POT1: variants seen among roughly 807,000 people sequenced by gnomAD.
The protein encoded by POT1 is protection of telomeres 1.
In POT1, 47 loss-of-function variants were observed where a neutral mutation model predicts 78.5. The observed-to-expected ratio is 0.60, with a 90% confidence interval of 0.47 to 0.76. The LOEUF is 0.76. POT1 is among the 30% of genes least tolerant of loss of function. The pLI is 0.00. For synonymous variants in POT1, 259 were observed against 260.7 expected, an observed-to-expected ratio of 0.99 and a Z score of 0.06; for missense variants, 646 against 749.9, an observed-to-expected ratio of 0.86 and a Z score of 1.62.
At chr7:124,876,152 A>G (rs963889864) in intron 6 of POT1, among the ~76,000 whole-genome samples, 2 of 152,210 alleles carry the variant, frequency 1.3e-5, no homozygotes, top group Non-Finnish European at 1.5e-5. Flanking sequence ...CAAGAAGAAA[A>G]ACCAAAAGCA....
chr7:124,823,865 C>A lies in POT1; in HGVS notation c.*97G>T. The A allele has an allele frequency of 1.3e-6, 1 of 770,084 alleles. No homozygotes were observed. 47.7% of individuals were successfully genotyped at this position (770,084 alleles called of 1,614,324 possible). A position where few individuals can be genotyped will look rare whatever the true frequency, so the allele number is the denominator to read the frequency against. ...TCTAATCCCATACCCATGCTAACAT[C>A]ATCAACATTGCTGATACAAAACTCA... On this transcript the variant is annotated 3_prime_UTR_variant, in exon 19 of 19. Transcript: ENST00000357628.
At chr7:124,865,971 A>G (rs7782340) in intron 7 of POT1, among the ~76,000 whole-genome samples, 1 of 151,796 alleles carries the variant, frequency 6.6e-6, no homozygotes, top group East Asian at 1.9e-4. Context: ...GTTTTCATGT[A>G]GAATATATCT....
At chr7:124,867,078 G>A (rs1295448419) in intron 7 of POT1, among the ~76,000 whole-genome samples, 1 of 152,128 alleles carries the variant, frequency 6.6e-6, no homozygotes, top group African/African-American at 2.4e-5. Flanking sequence ...TAGTAAACCA[G>A]AACAATCTTC....
At chr7:124,925,820 G>A (rs1444005422) in intron 2 of POT1, among the ~76,000 whole-genome samples, 4 of 152,114 alleles carry the variant, frequency 2.6e-5, no homozygotes, top group Admixed American at 2.6e-4. Context: ...ACAGCCAACT[G>A]ATCTATGACA....
intron 6 of POT1, among the ~76,000 whole-genome samples, chr7:124,879,618 G>A (rs1440542026): frequency 6.6e-6 from 1 of 152,032 alleles, no homozygotes; most frequent in Non-Finnish European, 1.5e-5. Flanking sequence ...GGGGGCTACC[G>A]TTATTTAAGA....
intron 1 of POT1, among the ~76,000 whole-genome samples, chr7:124,929,236 T>C (rs570834760): frequency 2.0e-5 from 3 of 152,300 alleles, no homozygotes; most frequent in Admixed American, 2.0e-4. Context: ...AAGCCAGTTT[T>C]AAGATCTGTA....
rs4501523 is a variant in POT1, at chr7:124,900,718, T to G, written c.-153-2344A>C. Reference sequence around the variant, plus strand: ...GCAGGGCATCGCCTCACTGGGGAAGTGCAAGGGGTCGGGGAATTCCCTTTC... The same window carrying G: ...GCAGGGCATCGCCTCACTGGGGAAGGGCAAGGGGTCGGGGAATTCCCTTTC... On this transcript the variant is annotated intron_variant, in intron 3 of 18. Transcript: ENST00000357628. 3 of 221,396 alleles carry G rather than the reference T, an allele frequency of 1.4e-5. No individual in the cohort carries two copies. In the South Asian group the frequency reaches 1.5e-4, roughly 11 times the overall value. The allele number at this position is 221,396 out of a possible 1,614,324, so 13.7% of individuals were successfully genotyped here. A position where few individuals can be genotyped will look rare whatever the true frequency, so the allele number is the denominator to read the frequency against.
At chr7:124,883,414 C>T (rs1160186035) in intron 6 of POT1, among the ~76,000 whole-genome samples, 1 of 151,982 alleles carries the variant, frequency 6.6e-6, no homozygotes, top group Admixed American at 6.6e-5. Flanking sequence ...AATTTAATCC[C>T]TTGTCAGAAA....
chr7:124,861,787 G>A (rs1433218915), intron 8 of POT1, among the ~76,000 whole-genome samples: 1 of 152,142 alleles, frequency 6.6e-6, no homozygotes, highest in African/African-American at 2.4e-5. Context: ...TGTATAAGGT[G>A]TAAGGAAGGG....
At chr7:124,865,880 GACA>G (rs1795710228) in intron 7 of POT1, among the ~76,000 whole-genome samples, 3 of 151,900 alleles carry the variant, frequency 2.0e-5, no homozygotes, top group Admixed American at 2.0e-4. Flanking sequence ...GTTTAATAAA[GACA>G]ACATTTGGGC....
intron 9 of POT1, chr7:124,853,454 T>C (rs1214091345): frequency 2.3e-5 from 4 of 176,600 alleles, no homozygotes; most frequent in Middle Eastern, 2.3e-3. Context: ...TTAGCATCAA[T>C]AAAATATAAT....
intron 11 of POT1, chr7:124,848,684 A>AAG (rs745821682): frequency 1.1e-5 from 2 of 177,300 alleles, no homozygotes; most frequent in African/African-American, 2.4e-5. Context: ...AAAAAAAAAA[A>AAG]AGAGATATGT....
Position 124,846,162 on chromosome 7 carries a change from G to GAC in POT1, c.1006+778_1006+779dup, listed in dbSNP as rs60301966. 4.1e-3 allele frequency among the ~76,000 whole-genome samples: 609 copies of GAC among 148,820 alleles called. 3 individuals are homozygous for GAC. Among genetic ancestry groups the GAC allele is most frequent in the Non-Finnish European group, 5.4e-3 (363 of 67,316 alleles). ...GTACATATGAACACACATTCATACTGACACACACACACACACACACACCCC... is the reference window on the plus strand; with the variant it reads ...GTACATATGAACACACATTCATACTGACACACACACACACACACACACACCCC... On this transcript the variant is annotated intron_variant, in intron 12 of 18. Transcript: ENST00000357628.
At chr7:124,875,584 G>C (rs1277178802) in intron 6 of POT1, among the ~76,000 whole-genome samples, 1 of 152,140 alleles carries the variant, frequency 6.6e-6, no homozygotes, top group Non-Finnish European at 1.5e-5. Context: ...AGATGAATCA[G>C]AAGCTAAATG....
At position 124,846,458 on chromosome 7, in the gene POT1, G is replaced by T. The variant is rs201704095; in HGVS notation, c.1006+484C>A. On this transcript the variant is annotated intron_variant, in intron 12 of 18. Transcript: ENST00000357628. ...AAATTTTTTTTTAATCTTAGCTGATGTAGCAGAAGGAGGGTACTTGATAGA... is the reference window on the plus strand; with the variant it reads ...AAATTTTTTTTTAATCTTAGCTGATTTAGCAGAAGGAGGGTACTTGATAGA... Among the ~76,000 whole-genome samples the T allele has an allele frequency of 3.5e-4, 53 of 152,018 alleles. 1 individual carries two copies. In the East Asian group the frequency reaches 8.3e-3, roughly 24 times the overall value.
At chr7:124,894,103 C>T (rs1796436927) in intron 5 of POT1, among the ~76,000 whole-genome samples, 1 of 151,382 alleles carries the variant, frequency 6.6e-6, no homozygotes, top group Non-Finnish European at 1.5e-5. Flanking sequence ...TAAGTGATCC[C>T]AACATCAAAT....
chr7:124,870,644 A>C (rs1283754110), intron 7 of POT1, among the ~76,000 whole-genome samples: 10 of 152,162 alleles, frequency 6.6e-5, no homozygotes, highest in Non-Finnish European at 1.5e-5. Context: ...ATTAGTCTGT[A>C]TTTAGAAACA....
intron 15 of POT1, among the ~76,000 whole-genome samples, chr7:124,832,475 G>A (rs1794790729): frequency 6.6e-6 from 1 of 151,996 alleles, no homozygotes; most frequent in South Asian, 2.1e-4. Flanking sequence ...CTTAAAATCT[G>A]GAGTGTGAAC....
chr7:124,908,640 A>G (rs1210334182), intron 3 of POT1, among the ~76,000 whole-genome samples: 2 of 151,824 alleles, frequency 1.3e-5, no homozygotes, highest in East Asian at 3.8e-4. Context: ...TCTGGATAAA[A>G]TAATTATGTA....
Sources: gnomAD v4.1 joint callset for allele counts (sites outside exome capture counted in the v4.1 genomes callset) on GRCh38, gnomAD v4.1.1 for gene constraint, MANE v1.5 for transcripts, NCBI Gene and HGNC (gene_info 2026-07-23, HGNC 2026-07-21) for gene names.